The following ZC3H15 variants were observed in gnomAD, a reference collection of about 807,000 sequenced individuals.
ZC3H15 encodes the protein zinc finger CCCH domain-containing protein 15.
ZC3H15 carries 15 observed loss-of-function variants against 51.2 expected under a neutral mutation model. The ratio of observed to expected loss-of-function variants is 0.29; its 90% CI spans 0.20 to 0.45. The LOEUF is 0.45. ZC3H15 is among the 20% of genes least tolerant of loss of function. The pLI, the probability that ZC3H15 is intolerant of heterozygous loss-of-function variation, is 1.00. For synonymous variants in ZC3H15, 144 were observed against 162.8 expected (o/e 0.88, Z 0.88); for missense variants, 381 against 494.7 (o/e 0.77, Z 2.18).
chr2:186,501,532 A>C, intron 4 of ZC3H15, 107 bp downstream of exon 4: 1 of 901,468 alleles, frequency 1.1e-6, no homozygotes. Context: ...TAGACTGTTT[A>C]TAAAAAATAA....
chr2:186,506,225 G>A (rs748478509), intron 8 of ZC3H15: 8 of 327,560 alleles, frequency 2.4e-5, no homozygotes, highest in Admixed American at 1.6e-4. Flanking sequence ...ATTTAAAACT[G>A]CAGTGTAGGG....
intron 6 of ZC3H15, 133 bp from the exon 7 acceptor site, chr2:186,505,318 A>T: frequency 9.2e-7 from 1 of 1,083,732 alleles, no homozygotes; most frequent in Non-Finnish European, 1.2e-6. Context: ...AAAAATACAT[A>T]AATTAGCTTA....
chr2:186,492,801 C>G (rs1207999884), intron 1 of ZC3H15, among the ~76,000 whole-genome samples: 4 of 152,000 alleles, frequency 2.6e-5, no homozygotes, highest in Non-Finnish European at 4.4e-5. Flanking sequence ...TTTCCTTTCC[C>G]TTAGAAATAA....
chr2:186,508,096 T>C (rs952358956), intron 9 of ZC3H15, among the ~76,000 whole-genome samples: 3 of 152,226 alleles, frequency 2.0e-5, no homozygotes, highest in Non-Finnish European at 2.9e-5. Flanking sequence ...GATTTTCTGC[T>C]GTCACAATCA....
chr2:186,503,199 C>T (rs1245507203), intron 5 of ZC3H15, among the ~76,000 whole-genome samples: 1 of 152,024 alleles, frequency 6.6e-6, no homozygotes, highest in Admixed American at 6.6e-5. Flanking sequence ...GGGGCGGATA[C>T]TGTTTGTTAA....
intron 5 of ZC3H15, among the ~76,000 whole-genome samples, chr2:186,503,600 A>G (rs1373955538): frequency 6.6e-6 from 1 of 151,802 alleles, no homozygotes; most frequent in East Asian, 1.9e-4. Flanking sequence ...CTGGTCTTGA[A>G]CTCCTGACCT....
intron 2 of ZC3H15, among the ~76,000 whole-genome samples, chr2:186,498,204 C>T (rs1227619935): frequency 6.6e-6 from 1 of 152,150 alleles, no homozygotes; most frequent in Non-Finnish European, 1.5e-5. Context: ...TTCCTTCTTG[C>T]ACCTTTACCT....
Position 186,504,070 on chromosome 2 carries a change from G to A in ZC3H15, c.573G>A (p.Lys191=). Residue 191 remains lysine, a synonymous_variant, in exon 6 of 10, where the codon AAG becomes AAA. Transcript: ENST00000337859. ...TCCTGGAAGCTATTGAAAACAACAA[G>A]TATGGCTGGTTTTGGGTATGCCCTG... ...KHFLEAIENN[K]YGWFWVCPGG... is the part of the protein sequence containing the mutation. 1.2e-6 allele frequency: 2 copies of A among 1,604,162 alleles called. No homozygotes were observed. The highest frequency in any genetic ancestry group is 1.3e-5 in the African/African-American group (1 of 74,500).
intron 1 of ZC3H15, among the ~76,000 whole-genome samples, chr2:186,491,744 T>C (rs1358951008): frequency 1.3e-5 from 2 of 152,180 alleles, no homozygotes; most frequent in African/African-American, 4.8e-5. Context: ...TCTGAGTTTC[T>C]GTGTATCATA....
intron 1 of ZC3H15, chr2:186,488,582 A>G (rs2105583931): frequency 6.6e-6 from 1 of 152,296 alleles, no homozygotes; most frequent in Admixed American, 6.5e-5. Flanking sequence ...GTCTCTCTCT[A>G]CTTGGAGGAA....
intron 8 of ZC3H15, among the ~76,000 whole-genome samples, chr2:186,506,303 A>AT (rs1417407751): frequency 1.3e-5 from 2 of 152,186 alleles, no homozygotes; most frequent in African/African-American, 4.8e-5. Context: ...CTTACTGTTG[A>AT]TTTTTTGTGT....
At chr2:186,498,308 A>G (rs1483357569) in intron 2 of ZC3H15, among the ~76,000 whole-genome samples, 1 of 152,186 alleles carries the variant, frequency 6.6e-6, no homozygotes, top group Non-Finnish European at 1.5e-5. Flanking sequence ...TTCAGTGTGG[A>G]ACTCCATGGA....
chr2:186,486,518 C>G, intron 1 of ZC3H15, 61 bp downstream of exon 1: 1 of 1,491,680 alleles, frequency 6.7e-7, no homozygotes, highest in East Asian at 2.6e-5. Context: ...CTTCCCCGCT[C>G]CGGGCTTCCC....
At chr2:186,494,128 A>G (rs1047648568) in intron 1 of ZC3H15, among the ~76,000 whole-genome samples, 1 of 151,892 alleles carries the variant, frequency 6.6e-6, no homozygotes, top group Non-Finnish European at 1.5e-5. Context: ...ATATGAGTAG[A>G]TAGCCAAGGA....
chr2:186,500,108 G>A, intron 2 of ZC3H15, 74 bp from the exon 3 acceptor site: 13 of 1,245,594 alleles, frequency 1.0e-5, no homozygotes, highest in Non-Finnish European at 1.3e-5. Flanking sequence ...GTCTTGTTAT[G>A]GTAATGCTAA....
chr2:186,497,354 A>G (rs1208609834), intron 2 of ZC3H15, among the ~76,000 whole-genome samples: 2 of 152,144 alleles, frequency 1.3e-5, no homozygotes. Flanking sequence ...CTAGAATCTA[A>G]AACTATTGCT....
At chr2:186,495,140 A>G in intron 1 of ZC3H15, 93 bp from the exon 2 acceptor site, 1 of 719,762 alleles carries the variant, frequency 1.4e-6, no homozygotes, top group Non-Finnish European at 2.2e-6. Context: ...GTAAAGAATA[A>G]TTATCAATAA....
At chr2:186,499,512 T>C (rs1176798188) in intron 2 of ZC3H15, 1 of 443,382 alleles carries the variant, frequency 2.3e-6, no homozygotes, top group African/African-American at 2.0e-5. Flanking sequence ...CCCAGAGCAC[T>C]ATGTACTATG....
At chr2:186,495,358 CT>C (rs1553488951) in intron 2 of ZC3H15, 24 bp downstream of exon 2, 7 of 1,319,556 alleles carry the variant, frequency 5.3e-6, no homozygotes, top group South Asian at 1.7e-5. Flanking sequence ...ATGTCCATAT[CT>C]TTTTATAAAT....
Sources: allele counts gnomAD v4.1 joint callset (sites outside exome capture counted in the v4.1 genomes callset), GRCh38; gene constraint gnomAD v4.1.1; transcripts MANE v1.5; gene names NCBI Gene and HGNC (gene_info 2026-07-23, HGNC 2026-07-21).